TFF2: variants seen among roughly 807,000 people sequenced by gnomAD.
The protein encoded by TFF2 is spasmolysin.
Under a neutral mutation model 16.0 loss-of-function variants are expected in TFF2, and 19 were observed. That is an observed-to-expected ratio of 1.19 (90% CI 0.83 to 1.74). The LOEUF is 1.74. Ranked by LOEUF, TFF2 falls within the 40% of genes most tolerant of loss-of-function variation. The pLI is 0.00. For synonymous variants in TFF2, 61 were observed against 65.4 expected, an observed-to-expected ratio of 0.93 and a Z score of 0.32; for missense variants, 168 against 166.8, an observed-to-expected ratio of 1.01 and a Z score of -0.04.
chr21:42,349,914 C>G lies in TFF2; in HGVS notation c.196G>C (p.Val66Leu), dbSNP rs148360457. 2.2e-4 allele frequency: 349 copies of G among 1,601,088 alleles called. No homozygotes were observed. The highest frequency in any genetic ancestry group is 2.0e-3 in the Admixed American group (115 of 58,272). The change falls in exon 2 of 4, where the codon GTC (valine) becomes CTC (leucine). Residue 66 changes from valine to leucine, a missense_variant. Coordinates refer to ENST00000291526, the MANE Select transcript of TFF2 (RefSeq NM_005423.5). ...GCCFDSSVTG[V>L]PWCFHPLPKQ... ...GGGAGGGGGTGGAAACACCAGGGGA[C>G]CCCAGTGACACTGGAGTCGAAACAG...
chr21:42,350,901 G>A lies in TFF2; in HGVS notation c.57C>T (p.Ala19=), dbSNP rs2052112040. 4 of 1,613,694 alleles carry A rather than the reference G, an allele frequency of 2.5e-6. No individual in the cohort carries two copies. The highest frequency in any genetic ancestry group is 3.4e-6 in the Non-Finnish European group (4 of 1,179,862). ...TACAGGGTTTCTCACTCCCCGCCAG[G>A]GCACATAGCCCCAGGACGAGGAGCG... ...LAALLVLGLC[A]LAGSEKPSPC... is the part of the protein sequence containing the mutation. Residue 19 remains alanine (A), a synonymous_variant, in exon 1 of 4, where the codon GCC becomes GCT. Transcript: ENST00000291526.
intron 1 of TFF2, 114 bp downstream of exon 1, chr21:42,350,765 T>C (rs2052110478): frequency 5.3e-6 from 6 of 1,121,892 alleles, no homozygotes; most frequent in Non-Finnish European, 7.6e-6. Context: ...ACAACACACA[T>C]TGCCAGATGC....
chr21:42,349,771 A>C, intron 2 of TFF2, 110 bp downstream of exon 2: 1 of 1,163,412 alleles, frequency 8.6e-7, no homozygotes, highest in Admixed American at 2.4e-5. Context: ...CACCCAGGCT[A>C]ACCCTAGACT....
chr21:42,350,383 A>T, intron 1 of TFF2: 1 of 198,604 alleles, frequency 5.0e-6, no homozygotes. Flanking sequence ...AAAAAAAAAA[A>T]TTGGCCGGGC....
intron 3 of TFF2, 50 bp downstream of exon 3, chr21:42,347,436 A>G (rs1262477608): frequency 6.2e-7 from 1 of 1,611,652 alleles, no homozygotes; most frequent in East Asian, 2.2e-5. Flanking sequence ...CGGACGGAGG[A>G]GGAATCATGG....
chr21:42,350,175 G>A, intron 1 of TFF2, 145 bp from the exon 2 acceptor site: 2 of 1,299,620 alleles, frequency 1.5e-6, no homozygotes, highest in South Asian at 5.0e-5. Context: ...AAGCAATGCG[G>A]TTTCCTCCTG....
intron 3 of TFF2, among the ~76,000 whole-genome samples, chr21:42,346,765 A>G: frequency 6.6e-6 from 1 of 152,170 alleles, no homozygotes; most frequent in East Asian, 1.9e-4. Context: ...AACATTTTCT[A>G]GGTGGACCTT....
intron 2 of TFF2, among the ~76,000 whole-genome samples, chr21:42,348,594 C>T (rs572544786): frequency 1.3e-5 from 2 of 152,180 alleles, no homozygotes; most frequent in African/African-American, 2.4e-5. Flanking sequence ...CCAGGCTGGC[C>T]CCAGGCTAAC....
At chr21:42,347,440 A>C in intron 3 of TFF2, 46 bp downstream of exon 3, 1 of 1,611,622 alleles carries the variant, frequency 6.2e-7, no homozygotes, top group Non-Finnish European at 8.5e-7. Flanking sequence ...CGGAGGAGGA[A>C]TCATGGTGTC....
intron 2 of TFF2, 111 bp from the exon 3 acceptor site, chr21:42,347,743 T>C: frequency 1.4e-6 from 2 of 1,386,372 alleles, no homozygotes; most frequent in South Asian, 1.4e-5. Flanking sequence ...CCGTGGATCA[T>C]GAGGTGCTGC....
chr21:42,346,622 G>T, intron 3 of TFF2, 76 bp from the exon 4 acceptor site: 1 of 1,492,874 alleles, frequency 6.7e-7, no homozygotes, highest in Non-Finnish European at 9.0e-7. Context: ...GCTGGGGTGG[G>T]CGTGCATCAC....
chr21:42,347,648 C>T lies in TFF2; in HGVS notation c.230-16G>A, dbSNP rs1205015796. 1 of 1,612,794 alleles carries T rather than the reference C, an allele frequency of 6.2e-7. No individual in the cohort carries two copies. The highest frequency in any genetic ancestry group is 8.5e-7 in the Non-Finnish European group (1 of 1,179,618). On this transcript the variant is annotated splice_polypyrimidine_tract_variant and intron_variant, in intron 2 of 3. Transcript: ENST00000291526. ...TGATCCGACTCTGCCATGGGACAGG[C>T]ACAGCACCGAGACCCAGTCAGGCCT... is the stretch of plus-strand genomic sequence containing the variant.
In TFF2 at chr21:42,346,516, T is replaced by C; in HGVS notation, c.*17A>G. 1 of 1,612,288 alleles carries C rather than the reference T, an allele frequency of 6.2e-7. No individual in the cohort carries two copies. Among genetic ancestry groups the C allele is most frequent in the Non-Finnish European group, 8.5e-7 (1 of 1,179,530 alleles). On this transcript the variant is annotated 3_prime_UTR_variant, in exon 4 of 4. Transcript: ENST00000291526. ...AACACCCGGTGAGCCAGATGCATCC[T>C]CTGGAACCAGCCTCTCTTAGTAATG...
intron 2 of TFF2, among the ~76,000 whole-genome samples, chr21:42,349,221 C>T (rs1168878325): frequency 2.0e-5 from 3 of 151,490 alleles, no homozygotes; most frequent in Non-Finnish European, 4.4e-5. Flanking sequence ...TAGCCCCAGA[C>T]TAACCAGCCT....
chr21:42,350,195 T>A, intron 1 of TFF2, 165 bp from the exon 2 acceptor site: 3 of 1,279,076 alleles, frequency 2.3e-6, no homozygotes, highest in Non-Finnish European at 3.0e-6. Flanking sequence ...GAGAAGCCGA[T>A]AGGGCTTTGC....
chr21:42,348,987 C>T (rs1045577474), intron 2 of TFF2, among the ~76,000 whole-genome samples: 1 of 151,900 alleles, frequency 6.6e-6, no homozygotes, highest in Non-Finnish European at 1.5e-5. Flanking sequence ...GGGCTAGCTC[C>T]AGACTAAACA....
At position 42,350,030 on chromosome 21, in the gene TFF2, G is replaced by A. The variant is rs2052104004; in HGVS notation, c.80C>T (p.Ser27Phe). ...GCTCAGCCTGGAGCACTGGCAGGGG[G>A]CTGTGGAAAGACCCTCAGTCGGCCC... ...LCALAGSEKPSPCQCSRLSPH... is the reference protein window; with the variant it reads ...LCALAGSEKPFPCQCSRLSPH... Residue 27 changes from serine (S) to phenylalanine (F), a missense_variant and splice_region_variant, in exon 2 of 4, where the codon TCC becomes TTC. By Grantham distance (155) the Ser-to-Phe change is radical (BLOSUM62 -2). Coordinates refer to ENST00000291526, the MANE Select transcript of TFF2 (RefSeq NM_005423.5). 1 of 1,596,258 alleles carries A rather than the reference G, an allele frequency of 6.3e-7. No individual in the cohort carries two copies. Among genetic ancestry groups the A allele is most frequent in the Non-Finnish European group, 8.5e-7 (1 of 1,171,558 alleles).
At chr21:42,350,552 A>G (rs916806109) in intron 1 of TFF2, among the ~76,000 whole-genome samples, 1 of 151,764 alleles carries the variant, frequency 6.6e-6, no homozygotes, top group African/African-American at 2.4e-5. Flanking sequence ...CAAAAACAAA[A>G]CCCTCCTAGA....
At chr21:42,349,855 C>A (rs1243447741) in intron 2 of TFF2, 26 bp downstream of exon 2, 5 of 1,567,336 alleles carry the variant, frequency 3.2e-6, no homozygotes, top group East Asian at 2.3e-5. Context: ...CAGCTGCTGG[C>A]CCAGGAAGAT....
Sources: gnomAD v4.1 joint callset for allele counts (sites outside exome capture counted in the v4.1 genomes callset) on GRCh38, gnomAD v4.1.1 for gene constraint, MANE v1.5 for transcripts, NCBI Gene and HGNC (gene_info 2026-07-23, HGNC 2026-07-21) for gene names.